The following UQCRH variants were observed in gnomAD, a reference collection of about 807,000 sequenced individuals.
The protein encoded by UQCRH is cytochrome b-c1 complex subunit 6, mitochondrial.
UQCRH carries 14 observed loss-of-function variants against 16.3 expected under a neutral mutation model. The observed-to-expected ratio is 0.86, with a 90% CI of 0.57 to 1.34. UQCRH has a LOEUF of 1.34. Ranked by LOEUF, UQCRH falls within the 40% of genes most tolerant of loss-of-function variation. UQCRH has a pLI of 0.00. For missense variants in UQCRH, 89 were observed against 111.9 expected, an observed-to-expected ratio of 0.80 and a Z score of 0.92; for synonymous variants, 41 against 41.9, an observed-to-expected ratio of 0.98 and a Z score of 0.08.
rs1446577491 is a variant in UQCRH at position 46,312,244 on chromosome 1, C to T, written c.243+1928C>T. Among the ~76,000 whole-genome samples the T allele has an allele frequency of 4.6e-5, 7 of 151,800 alleles. No individual in the cohort carries two copies. The South Asian group carries it at 6.2e-4, about 14-fold the overall frequency. Reference sequence around the variant, plus strand: ...CCAAGTAACTGGGATTAAAGGTGCACGCCACCACACCCAGCTAATTTTTTG... The same window carrying T: ...CCAAGTAACTGGGATTAAAGGTGCATGCCACCACACCCAGCTAATTTTTTG... On this transcript the variant is annotated intron_variant, in intron 3 of 3. Transcript: ENST00000311672.
At chr1:46,305,247 G>A (rs1661345872) in intron 1 of UQCRH, among the ~76,000 whole-genome samples, 1 of 143,394 alleles carries the variant, frequency 7.0e-6, no homozygotes, top group Non-Finnish European at 1.5e-5. Context: ...GCAGTGAGCC[G>A]TGATCGTGTC....
intron 3 of UQCRH, among the ~76,000 whole-genome samples, chr1:46,313,649 A>ATAGAT (rs1377467796): frequency 7.1e-6 from 1 of 141,670 alleles, no homozygotes; most frequent in African/African-American, 2.8e-5. Flanking sequence ...AGACAGATAG[A>ATAGAT]TAGATAGATA....
At position 46,311,093 on chromosome 1, in the gene UQCRH, T is replaced by A. The variant is rs1451174740; in HGVS notation, c.243+777T>A. 1.7e-3 allele frequency among the ~76,000 whole-genome samples: 246 copies of A among 148,196 alleles called. 2 individuals are homozygous for A. The highest frequency in any genetic ancestry group is 2.0e-3 in the East Asian group (10 of 4,992). The stretch of plus-strand genomic sequence containing the variant: ...CCATCTCAAAAAAAAAAAAAAATAA[T>A]AATAATAATAATCTTGCCTAATCCT... On this transcript the variant is annotated intron_variant, in intron 3 of 3. Transcript: ENST00000311672.
At chr1:46,311,114 A>C (rs1661465151) in intron 3 of UQCRH, among the ~76,000 whole-genome samples, 1 of 151,898 alleles carries the variant, frequency 6.6e-6, no homozygotes, top group South Asian at 2.1e-4. Context: ...ATCTTGCCTA[A>C]TCCTTACTAC....
chr1:46,310,960 G>C (rs915042624), intron 3 of UQCRH, among the ~76,000 whole-genome samples: 1 of 151,728 alleles, frequency 6.6e-6, no homozygotes, highest in South Asian at 2.1e-4. Flanking sequence ...CCAGCTACTC[G>C]GGAGGCTGAG....
intron 1 of UQCRH, among the ~76,000 whole-genome samples, chr1:46,304,874 C>A (rs555272969): frequency 6.6e-6 from 1 of 152,158 alleles, no homozygotes; most frequent in Non-Finnish European, 1.5e-5. Context: ...ATCAATTTTG[C>A]GACACAGCTA....
intron 2 of UQCRH, chr1:46,309,761 G>A: frequency 2.7e-6 from 2 of 736,224 alleles, no homozygotes; most frequent in South Asian, 4.9e-5. Context: ...CAGCTGGGGT[G>A]CATAGGCCTG....
chr1:46,309,888 G>T, intron 2 of UQCRH: 1 of 1,379,908 alleles, frequency 7.2e-7, no homozygotes, highest in Non-Finnish European at 9.4e-7. Context: ...TTACCACCTT[G>T]TTTTTCAGAT....
chr1:46,309,257 C>T, intron 2 of UQCRH, 130 bp downstream of exon 2: 1 of 1,060,786 alleles, frequency 9.4e-7, no homozygotes, highest in South Asian at 1.6e-5. Context: ...AGCTTTGATA[C>T]TTCCTGTGCA....
At chr1:46,306,379 A>C (rs1245444661) in intron 1 of UQCRH, among the ~76,000 whole-genome samples, 2 of 128,020 alleles carry the variant, frequency 1.6e-5, no homozygotes, top group African/African-American at 5.5e-5. Flanking sequence ...AAACTTTTTC[A>C]GTTTTTTTTT....
intron 3 of UQCRH, among the ~76,000 whole-genome samples, chr1:46,314,622 A>G (rs1661544573): frequency 6.6e-6 from 1 of 151,704 alleles, no homozygotes; most frequent in South Asian, 2.1e-4. Flanking sequence ...GCGGTGAGCC[A>G]AAGTTGCGCC....
At chr1:46,311,778 T>G (rs916497565) in intron 3 of UQCRH, among the ~76,000 whole-genome samples, 5 of 151,268 alleles carry the variant, frequency 3.3e-5, no homozygotes, top group African/African-American at 1.2e-4. Flanking sequence ...TTGTTTTTTT[T>G]TGTTTGTTTG....
intron 3 of UQCRH, among the ~76,000 whole-genome samples, chr1:46,313,261 G>C (rs1195328282): frequency 6.6e-6 from 1 of 152,156 alleles, no homozygotes. Flanking sequence ...CGAGGTCAAG[G>C]CAGGCAGATC....
intron 3 of UQCRH, among the ~76,000 whole-genome samples, chr1:46,313,920 G>A (rs1293220156): frequency 6.6e-6 from 1 of 151,978 alleles, no homozygotes. Flanking sequence ...TCACTTCTAG[G>A]TATATACCCA....
intron 3 of UQCRH, among the ~76,000 whole-genome samples, chr1:46,311,928 C>T (rs1185764910): frequency 2.3e-5 from 3 of 130,676 alleles, no homozygotes; most frequent in Non-Finnish European, 3.3e-5. Flanking sequence ...TGCACCCAGC[C>T]TTTTTTTTTT....
At chr1:46,316,339 G>C (rs915323482) in intron 3 of UQCRH, among the ~76,000 whole-genome samples, 1 of 152,158 alleles carries the variant, frequency 6.6e-6, no homozygotes, top group Admixed American at 6.6e-5. Flanking sequence ...TTTAGAGAAG[G>C]CTTGCAGGAA....
chr1:46,315,466 C>T (rs1661566413), intron 3 of UQCRH, among the ~76,000 whole-genome samples: 1 of 150,476 alleles, frequency 6.6e-6, no homozygotes, highest in Non-Finnish European at 1.5e-5. Context: ...TGGTGGCGCA[C>T]ACTTGTAATC....
intron 3 of UQCRH, among the ~76,000 whole-genome samples, chr1:46,311,304 G>A (rs1445516759): frequency 7.1e-6 from 1 of 141,786 alleles, no homozygotes; most frequent in African/African-American, 2.6e-5. Flanking sequence ...GCTCACGCCT[G>A]TAATCCCAGC....
At chr1:46,313,636 T>TATAG (rs1382429976) in intron 3 of UQCRH, among the ~76,000 whole-genome samples, 5 of 135,574 alleles carry the variant, frequency 3.7e-5, no homozygotes, top group South Asian at 4.8e-4. Flanking sequence ...CTCAAAAAAA[T>TATAG]ATAGACAGAT....
Sources: gnomAD v4.1 joint callset for allele counts (sites outside exome capture counted in the v4.1 genomes callset) on GRCh38, gnomAD v4.1.1 for gene constraint, MANE v1.5 for transcripts, NCBI Gene and HGNC (gene_info 2026-07-23, HGNC 2026-07-21) for gene names.